The following DOP1B variants were observed in gnomAD, a reference collection of about 807,000 sequenced individuals.
DOP1B encodes the protein protein DOP1B.
A neutral mutation model predicts 233.5 loss-of-function variants in DOP1B; 174 were observed. That is an observed-to-expected ratio of 0.75 (90% CI 0.66 to 0.85). DOP1B has a LOEUF of 0.85. Among genes scored for constraint, DOP1B ranks in the 40% least tolerant of loss-of-function variants. The pLI, the probability that DOP1B is intolerant of heterozygous loss-of-function variation, is 0.00. For synonymous variants in DOP1B, 1,190 were observed against 1,185.6 expected, an observed-to-expected ratio of 1.00 and a Z score of -0.08; for missense variants, 2,652 against 2,846.6, an observed-to-expected ratio of 0.93 and a Z score of 1.56.
At chr21:36,255,420 C>G (rs2067083427) in intron 23 of DOP1B, among the ~76,000 whole-genome samples, 2 of 151,796 alleles carry the variant, frequency 1.3e-5, no homozygotes, top group African/African-American at 4.8e-5. Flanking sequence ...AGCCACCGTG[C>G]CCGGCCAAAA....
At chr21:36,281,724 A>G (rs753223699) in intron 32 of DOP1B, 113 bp downstream of exon 32, 130 of 1,030,936 alleles carry the variant, frequency 1.3e-4, no homozygotes, top group Non-Finnish European at 1.5e-4. Context: ...GAGAAGTCCT[A>G]TATCCAGGGC....
At chr21:36,265,680 C>T (rs112940085) in intron 26 of DOP1B, among the ~76,000 whole-genome samples, 4 of 152,268 alleles carry the variant, frequency 2.6e-5, no homozygotes, top group South Asian at 2.1e-4. Context: ...CTTTTGGTTG[C>T]GGGGACCAGG....
At position 36,269,947 on chromosome 21, in the gene DOP1B, G is replaced by A. The variant is rs1660666223; in HGVS notation, c.5488-66G>A. On this transcript the variant is annotated intron_variant, in intron 26 of 36. Transcript: ENST00000691173. ...CATTTTATTTCTACTGGACAGTGCT[G>A]TTTTAGGCACTTAACATTCTTTTCC... 3.9e-6 allele frequency: 6 copies of A among 1,557,296 alleles called. No homozygotes were observed. In the South Asian group the frequency reaches 6.8e-5, roughly 18 times the overall value.
At chr21:36,220,707 G>A (rs1328771940) in intron 10 of DOP1B, among the ~76,000 whole-genome samples, 1 of 138,022 alleles carries the variant, frequency 7.2e-6, no homozygotes, top group Admixed American at 7.6e-5. Flanking sequence ...GTTTCACCAT[G>A]TTGCTCAGGC....
At chr21:36,168,349 A>G (rs2065936063) in intron 2 of DOP1B, among the ~76,000 whole-genome samples, 6 of 151,710 alleles carry the variant, frequency 4.0e-5, no homozygotes, top group Admixed American at 4.0e-4. Context: ...TTTTGTTTGA[A>G]CCTCAGTTTT....
intron 2 of DOP1B, among the ~76,000 whole-genome samples, chr21:36,177,324 T>C (rs975177815): frequency 3.3e-5 from 5 of 152,244 alleles, no homozygotes; most frequent in Non-Finnish European, 7.3e-5. Flanking sequence ...GATGGTCTTT[T>C]TGAAAAGAGC....
chr21:36,223,428 C>G (rs1266333351), intron 11 of DOP1B, 78 bp downstream of exon 11: 1 of 1,540,996 alleles, frequency 6.5e-7, no homozygotes, highest in African/African-American at 1.4e-5. Flanking sequence ...CTTAGAATAT[C>G]AGATTATATA....
chr21:36,289,185 A>G lies in DOP1B; in HGVS notation c.6494A>G (p.Asp2165Gly). 3 of 1,613,518 alleles carry G rather than the reference A, an allele frequency of 1.9e-6. No homozygotes were observed. The highest frequency in any genetic ancestry group is 1.7e-6 in the Non-Finnish European group (2 of 1,179,928). The change falls in exon 35 of 37, where the codon GAC (aspartate) becomes GGC (glycine). Residue 2165 changes from aspartate to glycine, a missense_variant. Asp to Gly is a moderately conservative substitution (Grantham distance 94, BLOSUM62 -1). Coordinates refer to ENST00000691173, the MANE Select transcript of DOP1B (RefSeq NM_001320714.2). ...GACACAGCGCTTTCTTTTCCACCTG[A>G]CAAGATGCCATTATTTCAAATGTAA... is the stretch of plus-strand genomic sequence containing the variant. ...FLDTALSFPP[D>G]KMPLFQIYRW...
chr21:36,176,097 CGTGT>C lies in DOP1B; in HGVS notation c.138+11248_138+11251del, dbSNP rs1555886143. Among the ~76,000 whole-genome samples, 6 of 141,744 alleles carry C rather than the reference CGTGT, an allele frequency of 4.2e-5. No homozygotes were observed. The South Asian group carries it at 6.8e-4, about 16-fold the overall frequency. 93.0% of individuals were successfully genotyped at this position (141,744 alleles called of 152,430 possible). On this transcript the variant is annotated intron_variant, in intron 2 of 36. Coordinates refer to ENST00000691173, the MANE Select transcript of DOP1B (RefSeq NM_001320714.2). ...GAGCTTCGACTTTGGGGTGTGTGTG[CGTGT>C]GTGTGTGTGTGTGTGTGTGTGGTGA...
intron 4 of DOP1B, among the ~76,000 whole-genome samples, chr21:36,201,345 C>CTTTTTTT (rs1172730528): frequency 0.028 from 2,309 of 83,174 alleles, 351 homozygotes; most frequent in African/African-American, 0.088. Context: ...CTATTGGATT[C>CTTTTTTT]TTTTTTTTTT....
intron 26 of DOP1B, among the ~76,000 whole-genome samples, chr21:36,266,000 A>G (rs1601464817): frequency 1.3e-5 from 2 of 151,918 alleles, no homozygotes; most frequent in East Asian, 3.9e-4. Flanking sequence ...TTGAGGGCTC[A>G]GTCCCACAAG....
chr21:36,291,991 G>C (rs1434691164), intron 35 of DOP1B, 113 bp from the exon 36 acceptor site: 1 of 1,231,470 alleles, frequency 8.1e-7, no homozygotes, highest in Admixed American at 2.6e-5. Flanking sequence ...AAAAGGCATT[G>C]AGTTGTCCAT....
intron 16 of DOP1B, among the ~76,000 whole-genome samples, chr21:36,238,266 TCTC>T (rs2066849904): frequency 6.6e-6 from 1 of 152,216 alleles, no homozygotes; most frequent in Admixed American, 6.5e-5. Flanking sequence ...GTCTGTTGTG[TCTC>T]CTCGTTCTTT....
At chr21:36,181,338 G>A (rs1173845164) in intron 2 of DOP1B, among the ~76,000 whole-genome samples, 1 of 151,972 alleles carries the variant, frequency 6.6e-6, no homozygotes, top group East Asian at 1.9e-4. Context: ...GAGTGCAGTG[G>A]CACGATCTTG....
chr21:36,223,494 A>G, intron 11 of DOP1B, 144 bp downstream of exon 11: 1 of 1,053,792 alleles, frequency 9.5e-7, no homozygotes, highest in Non-Finnish European at 1.3e-6. Context: ...CTAAAACAGG[A>G]TTGGAAAGAA....
At chr21:36,284,670 A>C (rs1321689121) in intron 32 of DOP1B, among the ~76,000 whole-genome samples, 2 of 152,050 alleles carry the variant, frequency 1.3e-5, no homozygotes, top group African/African-American at 4.8e-5. Context: ...AGAACCAAAA[A>C]AACAAAAAGA....
Position 36,281,527 on chromosome 21 carries a change from A to G in DOP1B, c.6076A>G (p.Lys2026Glu). Reference protein sequence around the residue: ...SLKLFSSFEQKAMLLKRQAFA... With the variant: ...SLKLFSSFEQEAMLLKRQAFA... ...GAAACTATTCTCAAGTTTTGAACAG[A>G]AAGCCATGCTGTTAAAGCGCCAGGC... The change falls in exon 32 of 37, where the codon AAA (lysine) becomes GAA (glutamate). Residue 2026 changes from lysine (K) to glutamate (E), a missense_variant. Lys to Glu is a moderately conservative substitution (Grantham distance 56). Around this residue, in one of 3 missense-constraint regions of DOP1B, gnomAD observed 2,617 missense variants for 2,794.3 expected, o/e 0.94. Transcript: ENST00000691173. 6.2e-7 allele frequency: 1 copy of G among 1,609,498 alleles called. No individual in the cohort carries two copies. Among genetic ancestry groups the G allele is most frequent in the Non-Finnish European group, 8.5e-7 (1 of 1,176,158 alleles).
chr21:36,164,630 C>T (rs1345528471), intron 1 of DOP1B, 78 bp from the exon 2 acceptor site: 1 of 1,198,956 alleles, frequency 8.3e-7, no homozygotes, highest in Non-Finnish European at 1.1e-6. Context: ...GGACACGTGT[C>T]TTCTGTAGCT....
chr21:36,184,783 G>C (rs1335570186), intron 2 of DOP1B, among the ~76,000 whole-genome samples: 1 of 152,226 alleles, frequency 6.6e-6, no homozygotes, highest in African/African-American at 2.4e-5. Flanking sequence ...GCGGGCTGCG[G>C]GGAACAGGAT....
Sources: gnomAD v4.1 joint callset for allele counts (sites outside exome capture counted in the v4.1 genomes callset) on GRCh38, gnomAD v4.1.1 for gene constraint, gnomAD v4.1.1 regional missense constraint, MANE v1.5 for transcripts, NCBI Gene and HGNC (gene_info 2026-07-23, HGNC 2026-07-21) for gene names.